MCU: variants seen among roughly 807,000 people sequenced by gnomAD.
MCU encodes the protein calcium uniporter protein, mitochondrial.
A neutral mutation model predicts 45.2 loss-of-function variants in MCU; 12 were observed. The ratio of observed to expected loss-of-function variants is 0.27; its 90% CI spans 0.17 to 0.43. The LOEUF (loss-of-function observed/expected upper bound fraction) is 0.43. MCU is among the 20% of genes least tolerant of loss of function. The pLI is 1.00. For missense variants in MCU, 324 were observed against 436.7 expected (o/e 0.74, Z 2.30); for synonymous variants, 160 against 165.1 (o/e 0.97, Z 0.24).
chr10:72,724,858 C>T (rs1843075049), intron 1 of MCU, among the ~76,000 whole-genome samples: 1 of 152,184 alleles, frequency 6.6e-6, no homozygotes, highest in Admixed American at 6.5e-5. Context: ...CCAGCCTTTT[C>T]CCCAGTTCAT....
intron 1 of MCU, among the ~76,000 whole-genome samples, chr10:72,799,815 C>T (rs542401162): frequency 7.2e-5 from 11 of 152,030 alleles, no homozygotes; most frequent in East Asian, 3.9e-4. Flanking sequence ...TCTTATTTTA[C>T]GAATTACCTA....
chr10:72,821,699 CAAAGTT>C (rs1050813778), intron 1 of MCU, among the ~76,000 whole-genome samples: 6 of 152,076 alleles, frequency 3.9e-5, no homozygotes, highest in African/African-American at 1.4e-4. Flanking sequence ...TGTGAGGAAA[CAAAGTT>C]AAGCCCTTTG....
At chr10:72,867,816 C>G (rs1845480396) in intron 4 of MCU, among the ~76,000 whole-genome samples, 1 of 146,906 alleles carries the variant, frequency 6.8e-6, no homozygotes, top group Non-Finnish European at 1.5e-5. Context: ...GATCGCGCCA[C>G]TGCACTCCAG....
Position 72,761,054 on chromosome 10 carries a change from T to A in MCU, c.150+68753T>A, listed in dbSNP as rs145703355. On this transcript the variant is annotated intron_variant, in intron 1 of 7. Transcript: ENST00000373053. ...AGGTTAGTGCCACCGTAGAATGTTA[T>A]AAGTTGGAAAAAAATTGTAGACTTC... Among the ~76,000 whole-genome samples, 484 of 152,302 alleles carry A rather than the reference T, an allele frequency of 3.2e-3. 3 individuals carry two copies. The highest frequency in any genetic ancestry group is 0.011 in the African/African-American group (457 of 41,562).
chr10:72,764,258 G>A (rs191189932), intron 1 of MCU, among the ~76,000 whole-genome samples: 1 of 152,242 alleles, frequency 6.6e-6, no homozygotes, highest in African/African-American at 2.4e-5. Flanking sequence ...CCAGTTTCTG[G>A]CTTTCCAAAT....
intron 1 of MCU, among the ~76,000 whole-genome samples, chr10:72,781,207 G>A (rs533469436): frequency 3.9e-5 from 6 of 152,114 alleles, no homozygotes; most frequent in East Asian, 1.9e-4. Flanking sequence ...TGAATTTGTC[G>A]GGCAGAGTTT....
Position 72,885,767 on chromosome 10 carries a change from T to A in MCU, c.1001T>A (p.Leu334Gln). The change falls in exon 8 of 8, where the codon CTG (leucine) becomes CAG (glutamine). Residue 334 changes from leucine to glutamine, a missense_variant. This residue lies in a region of MCU where 76 missense variants were observed against 99.4 expected (regional missense o/e 0.76). Coordinates refer to ENST00000373053, the MANE Select transcript of MCU (RefSeq NM_138357.3). The part of the protein sequence containing the change: ...IAQAEMDLKR[L>Q]RDPLQVHLPL... ...TAGGCAGAAATGGACCTTAAGAGACTGAGAGACCCATTACAAGTACATCTG... is the reference window on the plus strand; with the variant it reads ...TAGGCAGAAATGGACCTTAAGAGACAGAGAGACCCATTACAAGTACATCTG... 1 of 1,613,636 alleles carries A rather than the reference T, an allele frequency of 6.2e-7. No individual in the cohort carries two copies.
chr10:72,862,697 C>G (rs2132873563), intron 4 of MCU, among the ~76,000 whole-genome samples: 2 of 152,276 alleles, frequency 1.3e-5, no homozygotes, highest in East Asian at 3.9e-4. Context: ...CTGACCAGTA[C>G]TGGTTCGCAC....
chr10:72,803,164 G>T (rs1341758639), intron 1 of MCU, among the ~76,000 whole-genome samples: 1 of 151,956 alleles, frequency 6.6e-6, no homozygotes, highest in African/African-American at 2.4e-5. Context: ...TATTATTGTG[G>T]AGGAGAATAT....
At chr10:72,732,900 C>T (rs962994596) in intron 1 of MCU, among the ~76,000 whole-genome samples, 4 of 152,188 alleles carry the variant, frequency 2.6e-5, no homozygotes, top group East Asian at 1.9e-4. Context: ...ATCCATGAGA[C>T]GAAAATGGCC....
At chr10:72,864,732 T>C (rs1369812372) in intron 4 of MCU, among the ~76,000 whole-genome samples, 1 of 152,202 alleles carries the variant, frequency 6.6e-6, no homozygotes, top group Non-Finnish European at 1.5e-5. Flanking sequence ...AAGGGTCAAC[T>C]GTAGTAAGAC....
chr10:72,755,990 T>C (rs560872106), intron 1 of MCU, among the ~76,000 whole-genome samples: 2 of 152,230 alleles, frequency 1.3e-5, no homozygotes, highest in South Asian at 4.2e-4. Flanking sequence ...ACTACCGGTG[T>C]GCACCACCAT....
At chr10:72,838,829 A>G (rs978957077) in intron 2 of MCU, among the ~76,000 whole-genome samples, 2 of 152,142 alleles carry the variant, frequency 1.3e-5, no homozygotes, top group Admixed American at 6.5e-5. Context: ...ATAATATATA[A>G]ATTCGAAACC....
At chr10:72,779,052 C>G (rs1000082840) in intron 1 of MCU, among the ~76,000 whole-genome samples, 4 of 152,116 alleles carry the variant, frequency 2.6e-5, no homozygotes, top group African/African-American at 9.7e-5. Context: ...TCCCTGCAAC[C>G]TCCGCCTCCT....
chr10:72,754,301 G>A (rs747852100), intron 1 of MCU, among the ~76,000 whole-genome samples: 1 of 152,182 alleles, frequency 6.6e-6, no homozygotes, highest in African/African-American at 2.4e-5. Flanking sequence ...AGGTCTTAAA[G>A]CCCAGATTTC....
intron 6 of MCU, among the ~76,000 whole-genome samples, chr10:72,883,465 T>C (rs775971797): frequency 3.9e-5 from 6 of 152,196 alleles, no homozygotes; most frequent in Non-Finnish European, 7.3e-5. Context: ...ATATCAAGTA[T>C]TGGCAAGGGT....
In MCU at chr10:72,859,239, G is replaced by A; in HGVS notation, c.283G>A (p.Glu95Lys). 1 of 1,613,252 alleles carries A rather than the reference G, an allele frequency of 6.2e-7. No homozygotes were observed. The highest frequency in any genetic ancestry group is 8.5e-7 in the Non-Finnish European group (1 of 1,179,728). ...ATCTGTGAGGCTACCATCCCGGCGT[G>A]AACGCTGTCAGTTCACACTCAAGCC... ...VISVRLPSRR[E>K]RCQFTLKPIS... Residue 95 changes from glutamate (E) to lysine (K), a missense_variant, in exon 3 of 8, where the codon GAA (glutamate) becomes AAA (lysine). Physicochemically the swap from Glu to Lys is moderately conservative, Grantham distance 56 (BLOSUM62 1). This residue lies in a region of MCU where 135 missense variants were observed against 207.3 expected (regional missense o/e 0.65). Transcript: ENST00000373053.
chr10:72,786,843 C>T (rs1180221646), intron 1 of MCU, among the ~76,000 whole-genome samples: 1 of 152,196 alleles, frequency 6.6e-6, no homozygotes, highest in Non-Finnish European at 1.5e-5. Flanking sequence ...CTCCTGGAAA[C>T]ATGCCATCAC....
At chr10:72,820,074 A>G (rs1844687819) in intron 1 of MCU, among the ~76,000 whole-genome samples, 3 of 152,192 alleles carry the variant, frequency 2.0e-5, no homozygotes. Context: ...TAATCATGCT[A>G]GAAGTAAGGA....
Sources: allele counts gnomAD v4.1 joint callset (sites outside exome capture counted in the v4.1 genomes callset), GRCh38; gene constraint gnomAD v4.1.1; regional missense constraint gnomAD v4.1.1; transcripts MANE v1.5; gene names NCBI Gene and HGNC (gene_info 2026-07-23, HGNC 2026-07-21).